The following SFI1 variants were observed in gnomAD, a reference collection of about 807,000 sequenced individuals.
SFI1 encodes the protein SFI1 centrin binding protein, also known as protein SFI1 homolog.
A neutral mutation model predicts 207.5 loss-of-function variants in SFI1; 195 were observed. The ratio of observed to expected loss-of-function variants is 0.94; its 90% CI spans 0.84 to 1.06. The LOEUF is 1.06. Ranked by LOEUF, SFI1 falls within the 50% of genes least tolerant of loss-of-function variation. The pLI is 0.00. For synonymous variants in SFI1, 630 were observed against 598.9 expected, an observed-to-expected ratio of 1.05 and a Z score of -0.76; for missense variants, 1,634 against 1,588.0, an observed-to-expected ratio of 1.03 and a Z score of -0.49.
At chr22:31,508,805 T>C (rs1457437375) in intron 2 of SFI1, among the ~76,000 whole-genome samples, 1 of 152,168 alleles carries the variant, frequency 6.6e-6, no homozygotes, top group African/African-American at 2.4e-5. Flanking sequence ...TGGGTTTTGG[T>C]AATTGTTCCC....
chr22:31,537,929 A>G (rs2059141011), intron 4 of SFI1, among the ~76,000 whole-genome samples: 1 of 152,122 alleles, frequency 6.6e-6, no homozygotes. Flanking sequence ...ACTACAGAAT[A>G]ATGCCTTTAT....
chr22:31,612,758 G>A (rs917613585), intron 24 of SFI1: 21 of 185,116 alleles, frequency 1.1e-4, no homozygotes, highest in Non-Finnish European at 2.0e-4. Flanking sequence ...AAATTAACAT[G>A]AAATGTGTTT....
intron 2 of SFI1, among the ~76,000 whole-genome samples, chr22:31,516,879 G>C (rs1253613554): frequency 2.0e-5 from 3 of 152,072 alleles, no homozygotes; most frequent in African/African-American, 7.2e-5. Flanking sequence ...GCTTGAACCT[G>C]GGAGGCGGAG....
intron 4 of SFI1, among the ~76,000 whole-genome samples, chr22:31,531,365 AG>A (rs1223706035): frequency 3.3e-5 from 5 of 152,148 alleles, no homozygotes; most frequent in African/African-American, 1.2e-4. Context: ...TAGCCAGTAA[AG>A]GTTAAGTTTT....
chr22:31,592,919 C>T (rs2066290119), intron 15 of SFI1, among the ~76,000 whole-genome samples: 1 of 120,446 alleles, frequency 8.3e-6, no homozygotes, highest in Non-Finnish European at 1.8e-5. Context: ...TCCTCACTTC[C>T]CAGTAGGGGC....
intron 8 of SFI1, among the ~76,000 whole-genome samples, chr22:31,568,217 TATATATATA>T (rs2062574421): frequency 7.7e-6 from 1 of 130,510 alleles, no homozygotes; most frequent in African/African-American, 3.0e-5. Flanking sequence ...TGTGTATATA[TATATATATA>T]TTTTTTTTTT....
chr22:31,521,024 AAAG>A (rs1160488441), intron 2 of SFI1, among the ~76,000 whole-genome samples: 5 of 150,956 alleles, frequency 3.3e-5, no homozygotes, highest in African/African-American at 1.2e-4. Flanking sequence ...AAAAAAAAAA[AAAG>A]TAGAGTTCAA....
chr22:31,614,512 G>A (rs1309004882), intron 27 of SFI1: 3 of 639,604 alleles, frequency 4.7e-6, no homozygotes, highest in Non-Finnish European at 8.7e-6. Flanking sequence ...CTGCTCCCCT[G>A]TGACATGGAC....
chr22:31,611,278 A>T lies in SFI1; in HGVS notation c.2390A>T (p.His797Leu), dbSNP rs61743940. 1,946 of 1,609,908 alleles carry T rather than the reference A, an allele frequency of 1.2e-3. 26 individuals are homozygous for T. In the African/African-American group the frequency reaches 0.022, roughly 18 times the overall value. ...GAGGGGCTGGCCCGGTGGAAGACGC[A>T]CCATCTGCAGTGTGTCAGGAAGAGG... is the stretch of plus-strand genomic sequence containing the variant. ...LLEGLARWKTHHLQCVRKRLL... is the reference protein window; with the variant it reads ...LLEGLARWKTLHLQCVRKRLL... The change falls in exon 23 of 33, where the codon CAC becomes CTC. Residue 797 changes from histidine to leucine, a missense_variant. Transcript: ENST00000400288.
At chr22:31,502,625 C>T (rs934242758) in intron 1 of SFI1, among the ~76,000 whole-genome samples, 10 of 152,092 alleles carry the variant, frequency 6.6e-5, no homozygotes, top group Admixed American at 3.3e-4. Context: ...CCACCTGCCT[C>T]GGCCTCCTGA....
chr22:31,541,516 G>T (rs2059486828), intron 4 of SFI1, among the ~76,000 whole-genome samples: 1 of 152,050 alleles, frequency 6.6e-6, no homozygotes, highest in Non-Finnish European at 1.5e-5. Flanking sequence ...CAGCACTTTG[G>T]GAGGCCGTGG....
intron 8 of SFI1, among the ~76,000 whole-genome samples, chr22:31,568,194 T>TTG (rs1556026695): frequency 6.1e-4 from 56 of 92,542 alleles, no homozygotes; most frequent in East Asian, 9.1e-4. Context: ...TGTGTGTGTG[T>TTG]TGTGTGTGTG....
intron 6 of SFI1, among the ~76,000 whole-genome samples, chr22:31,553,042 T>C (rs746206736): frequency 6.6e-6 from 1 of 152,100 alleles, no homozygotes; most frequent in Non-Finnish European, 1.5e-5. Context: ...AGGGTCTGGC[T>C]ATGTTGCCCA....
At chr22:31,587,551 T>A (rs2065201833) in intron 14 of SFI1, 1 of 165,350 alleles carries the variant, frequency 6.0e-6, no homozygotes, top group Non-Finnish European at 1.3e-5. Context: ...AAGCTCTGCC[T>A]GCCTCAGCAT....
intron 4 of SFI1, among the ~76,000 whole-genome samples, chr22:31,534,888 TC>T (rs1317105085): frequency 6.6e-6 from 1 of 151,676 alleles, no homozygotes; most frequent in Non-Finnish European, 1.5e-5. Flanking sequence ...TTTTTTTTTT[TC>T]CTGAGACCGC....
intron 11 of SFI1, 49 bp downstream of exon 11, chr22:31,578,501 G>C: frequency 2.5e-6 from 4 of 1,575,512 alleles, no homozygotes; most frequent in Non-Finnish European, 3.5e-6. Context: ...CCTTGCTTGG[G>C]TATCCACTCT....
intron 2 of SFI1, among the ~76,000 whole-genome samples, chr22:31,509,049 T>A (rs1476167458): frequency 6.6e-6 from 1 of 152,160 alleles, no homozygotes; most frequent in African/African-American, 2.4e-5. Context: ...AATCATGTGG[T>A]TTTTGCTCTT....
At chr22:31,496,701 G>C (rs751109926) in intron 1 of SFI1, 64 bp downstream of exon 1, 1 of 152,242 alleles carries the variant, frequency 6.6e-6, no homozygotes, top group African/African-American at 2.4e-5. Flanking sequence ...CAGTGAGCCC[G>C]GCAAGGACCT....
At chr22:31,594,212 A>G (rs1436115587) in intron 15 of SFI1, among the ~76,000 whole-genome samples, 1 of 152,200 alleles carries the variant, frequency 6.6e-6, no homozygotes, top group Admixed American at 6.5e-5. Context: ...CTGTTCTGCT[A>G]GACCTGGCTT....
Sources: allele counts gnomAD v4.1 joint callset (sites outside exome capture counted in the v4.1 genomes callset), GRCh38; gene constraint gnomAD v4.1.1; transcripts MANE v1.5; gene names NCBI Gene and HGNC (gene_info 2026-07-23, HGNC 2026-07-21).